Variants in MTA3 observed in about 807,000 individuals in gnomAD.
MTA3 encodes metastasis-associated protein MTA3.
Under a neutral mutation model 83.5 loss-of-function variants are expected in MTA3, and 34 were observed. That is an observed-to-expected ratio of 0.41 (90% CI 0.31 to 0.54). The LOEUF is 0.54. MTA3 is among the 20% of genes least tolerant of loss of function. The pLI is 0.33. For synonymous variants in MTA3, 303 were observed against 252.7 expected, an observed-to-expected ratio of 1.20 and a Z score of -1.89; for missense variants, 761 against 726.4, an observed-to-expected ratio of 1.05 and a Z score of -0.55.
chr2:42,696,336 T>C (rs531626883), intron 10 of MTA3, among the ~76,000 whole-genome samples: 12 of 152,338 alleles, frequency 7.9e-5, no homozygotes, highest in African/African-American at 2.9e-4. Flanking sequence ...GTACTGTACA[T>C]AAGCTTTTTC....
At chr2:42,533,080 A>C in intron 2 of MTA3, 1 of 148,780 alleles carries the variant, frequency 6.7e-6, no homozygotes, top group Non-Finnish European at 1.4e-5. Flanking sequence ...CTTGTGGGGC[A>C]TTCTTTTTTT....
intron 14 of MTA3, among the ~76,000 whole-genome samples, chr2:42,715,342 G>A (rs1182479658): frequency 6.6e-6 from 1 of 151,206 alleles, no homozygotes; most frequent in Admixed American, 6.6e-5. Context: ...AGTGACTAAG[G>A]CAGTCCTAGA....
intron 4 of MTA3, among the ~76,000 whole-genome samples, chr2:42,618,980 G>T (rs1029827508): frequency 6.6e-6 from 1 of 152,146 alleles, no homozygotes; most frequent in Admixed American, 6.6e-5. Context: ...ACTGACAGAG[G>T]AGCCTCATTA....
chr2:42,573,195 T>C (rs953048696), intron 2 of MTA3, among the ~76,000 whole-genome samples: 22 of 152,242 alleles, frequency 1.4e-4, no homozygotes, highest in African/African-American at 5.3e-4. Context: ...TTTGAGTCTG[T>C]CTAGCTAATA....
chr2:42,586,924 G>C (rs1461109566), intron 3 of MTA3, among the ~76,000 whole-genome samples: 1 of 152,220 alleles, frequency 6.6e-6, no homozygotes, highest in African/African-American at 2.4e-5. Flanking sequence ...TCAGGAGGCT[G>C]AGGCAAGAGA....
chr2:42,724,098 C>A (rs776870038), intron 16 of MTA3, among the ~76,000 whole-genome samples: 4 of 152,252 alleles, frequency 2.6e-5, no homozygotes, highest in Non-Finnish European at 5.9e-5. Context: ...GATGTCTAGA[C>A]AGCAGAAGGA....
intron 2 of MTA3, among the ~76,000 whole-genome samples, chr2:42,525,491 C>CTTCT (rs1204553198): frequency 2.0e-5 from 3 of 149,324 alleles, no homozygotes; most frequent in Non-Finnish European, 4.5e-5. Flanking sequence ...TCCTTCCTTC[C>CTTCT]TTCCTTCCTT....
intron 4 of MTA3, among the ~76,000 whole-genome samples, chr2:42,621,628 C>G (rs867865213): frequency 2.4e-4 from 36 of 152,360 alleles, no homozygotes; most frequent in Admixed American, 1.4e-3. Flanking sequence ...ATGGCCCGTT[C>G]TCAATGAGCT....
At chr2:42,521,386 C>A (rs1285345611) in intron 2 of MTA3, among the ~76,000 whole-genome samples, 1 of 152,096 alleles carries the variant, frequency 6.6e-6, no homozygotes, top group Non-Finnish European at 1.5e-5. Context: ...TGTGAGAGAC[C>A]CTGAGCCAGG....
intron 2 of MTA3, among the ~76,000 whole-genome samples, chr2:42,514,762 A>G (rs1675063989): frequency 7.3e-6 from 1 of 136,226 alleles, no homozygotes; most frequent in East Asian, 2.2e-4. Flanking sequence ...ATTTTAAATC[A>G]CTGCATCCTC....
At chr2:42,534,393 C>G (rs1325111605) in intron 2 of MTA3, among the ~76,000 whole-genome samples, 1 of 152,120 alleles carries the variant, frequency 6.6e-6, no homozygotes, top group African/African-American at 2.4e-5. Flanking sequence ...GTCAGGAGTT[C>G]AAGACCAGCC....
At position 42,697,791 on chromosome 2, in the gene MTA3, G is replaced by A; in HGVS notation, c.982G>A (p.Ala328Thr). 1.3e-6 allele frequency: 2 copies of A among 1,544,112 alleles called. No homozygotes were observed. Among genetic ancestry groups the A allele is most frequent in the Non-Finnish European group, 8.7e-7 (1 of 1,146,296 alleles). ...TTTGAATTAGAAACGTCTAAAAGCA[G>A]CAGAAGCTGAGAGTAAACTGAAACA... is the stretch of plus-strand genomic sequence containing the variant. ...RYVQQKRLKA[A>T]EAESKLKQVY... The change falls in exon 11 of 17, where the codon GCA (alanine) becomes ACA (threonine). Residue 328 changes from alanine to threonine, a missense_variant. Coordinates refer to ENST00000405094, the MANE Select transcript of MTA3 (RefSeq NM_001330442.2).
chr2:42,537,332 G>T (rs1187001762), intron 2 of MTA3, among the ~76,000 whole-genome samples: 4 of 152,208 alleles, frequency 2.6e-5, no homozygotes, highest in Non-Finnish European at 5.9e-5. Context: ...GGGAGGCCAA[G>T]GCGGGCAGAT....
intron 2 of MTA3, among the ~76,000 whole-genome samples, chr2:42,519,102 A>G (rs908730514): frequency 2.6e-5 from 4 of 151,970 alleles, no homozygotes; most frequent in African/African-American, 9.7e-5. Flanking sequence ...CAGCCAGTTG[A>G]TCAAGGTCAC....
intron 2 of MTA3, among the ~76,000 whole-genome samples, chr2:42,515,906 T>C (rs1675125620): frequency 6.6e-6 from 1 of 150,938 alleles, no homozygotes; most frequent in South Asian, 2.1e-4. Flanking sequence ...AGTGGTGCGA[T>C]CTCGGCTCAC....
intron 2 of MTA3, among the ~76,000 whole-genome samples, chr2:42,548,876 A>AT (rs1491291035): frequency 0.01 from 205 of 20,224 alleles, 22 homozygotes; most frequent in African/African-American, 0.012. Flanking sequence ...ATATATATAT[A>AT]ATATATATAT....
intron 4 of MTA3, among the ~76,000 whole-genome samples, chr2:42,629,547 A>C (rs937690958): frequency 2.6e-5 from 4 of 152,150 alleles, no homozygotes; most frequent in Non-Finnish European, 5.9e-5. Flanking sequence ...AAGGAGGTTT[A>C]ATTGTAAGGT....
At chr2:42,584,435 T>C (rs535506310) in intron 3 of MTA3, among the ~76,000 whole-genome samples, 2 of 152,378 alleles carry the variant, frequency 1.3e-5, no homozygotes, top group Admixed American at 6.5e-5. Context: ...TTTACTCAGA[T>C]TCAAGAGTTG....
At chr2:42,661,103 T>G (rs565231698) in intron 8 of MTA3, among the ~76,000 whole-genome samples, 1 of 152,354 alleles carries the variant, frequency 6.6e-6, no homozygotes, top group East Asian at 1.9e-4. Context: ...AGTTTTGTTT[T>G]CTCCATTGGG....
Sources: allele counts gnomAD v4.1 joint callset (sites outside exome capture counted in the v4.1 genomes callset), GRCh38; gene constraint gnomAD v4.1.1; transcripts MANE v1.5; gene names NCBI Gene and HGNC (gene_info 2026-07-23, HGNC 2026-07-21).